The following SNX18 variants were observed in gnomAD, a reference collection of about 807,000 sequenced individuals.
SNX18 encodes sorting nexin-18.
SNX18 carries 35 observed loss-of-function variants against 48.7 expected under a neutral mutation model. The ratio of observed to expected loss-of-function variants is 0.72; its 90% CI spans 0.55 to 0.95. The LOEUF is 0.95. Ranked by LOEUF, SNX18 falls within the 40% of genes least tolerant of loss-of-function variation. The pLI, the probability that SNX18 is intolerant of heterozygous loss-of-function variation, is 0.00. For missense variants in SNX18, 824 were observed against 871.0 expected, an observed-to-expected ratio of 0.95 and a Z score of 0.68; for synonymous variants, 492 against 384.7, an observed-to-expected ratio of 1.28 and a Z score of -3.26.
chr5:54,537,180 TAAAG>T (rs879895302), intron 1 of SNX18, among the ~76,000 whole-genome samples: 17 of 152,190 alleles, frequency 1.1e-4, no homozygotes, highest in African/African-American at 2.6e-4. Flanking sequence ...TTAAATTAAA[TAAAG>T]AGAGAGAGAG....
At chr5:54,574,169 C>G in the SNX18 span, among the ~76,000 whole-genome samples, 1 of 152,220 alleles carries the variant, frequency 6.6e-6, no homozygotes, top group African/African-American at 2.4e-5. Context: ...TGACTACTTG[C>G]ACACCTGATG....
chr5:54,643,074 T>C, the SNX18 span, among the ~76,000 whole-genome samples: 162 of 152,276 alleles, frequency 1.1e-3, no homozygotes, highest in African/African-American at 3.7e-3. Context: ...AATGCTGTTG[T>C]TGTGTCTAAA....
the SNX18 span, among the ~76,000 whole-genome samples, chr5:54,588,165 ACTCT>A: frequency 1.5e-4 from 23 of 151,858 alleles, no homozygotes; most frequent in African/African-American, 5.6e-4. Flanking sequence ...TTTCATATTG[ACTCT>A]AGGCCAAAAG....
At chr5:54,522,666 G>A (rs796939818) in intron 1 of SNX18, among the ~76,000 whole-genome samples, 16 of 152,268 alleles carry the variant, frequency 1.1e-4, no homozygotes, top group African/African-American at 3.8e-4. Flanking sequence ...ATCTCTTGCA[G>A]TGTGCCTTTA....
the SNX18 span, among the ~76,000 whole-genome samples, chr5:54,623,521 A>G: frequency 6.6e-6 from 1 of 151,984 alleles, no homozygotes; most frequent in Admixed American, 6.6e-5. Context: ...GATCCAGCAT[A>G]GAGAGGTAGC....
the SNX18 span, among the ~76,000 whole-genome samples, chr5:54,553,631 G>A: frequency 6.6e-5 from 10 of 151,960 alleles, no homozygotes; most frequent in African/African-American, 2.2e-4. Context: ...TAGATTCTTG[G>A]GGCCACCTCA....
the SNX18 span, among the ~76,000 whole-genome samples, chr5:54,568,833 CTTTTTTTTTTTTT>C: frequency 4.3e-5 from 3 of 69,528 alleles, no homozygotes; most frequent in African/African-American, 1.2e-4. Flanking sequence ...TTCAGTGGTA[CTTTTTTTTTTTTT>C]TTTTTTTTTT....
At chr5:54,614,564 TG>T in the SNX18 span, among the ~76,000 whole-genome samples, 2 of 152,134 alleles carry the variant, frequency 1.3e-5, no homozygotes, top group Non-Finnish European at 2.9e-5. Context: ...CCCACCACTT[TG>T]GGAGGCTGAG....
chr5:54,549,672 C>G (rs1762623746), downstream of SNX18, among the ~76,000 whole-genome samples: 1 of 152,192 alleles, frequency 6.6e-6, no homozygotes, highest in Non-Finnish European at 1.5e-5. Context: ...TCTTTATTCA[C>G]CAAATTAATA....
the SNX18 span, among the ~76,000 whole-genome samples, chr5:54,621,595 T>C: frequency 1.3e-3 from 192 of 152,288 alleles, 1 homozygote; most frequent in Non-Finnish European, 1.9e-3. Context: ...CCAGTGGTGA[T>C]GTTTCTCAAC....
the SNX18 span, among the ~76,000 whole-genome samples, chr5:54,601,950 G>A: frequency 1.1e-3 from 167 of 152,282 alleles, no homozygotes; most frequent in Non-Finnish European, 1.8e-3. Context: ...TTTAAGACAC[G>A]TCTGGAGTTT....
In SNX18 at chr5:54,518,584, C is replaced by A; in HGVS notation, c.632C>A (p.Pro211His). 6.3e-7 allele frequency: 1 copy of A among 1,580,704 alleles called. No individual in the cohort carries two copies. Among genetic ancestry groups the A allele is most frequent in the Non-Finnish European group, 8.6e-7 (1 of 1,164,058 alleles). The stretch of plus-strand genomic sequence containing the variant: ...CTGGGTTCCCGCGGCGGCTCGGTCC[C>A]CCCGCAGCACCACCCGTCGGGGCCC... ...LSLGSRGGSV[P>H]PQHHPSGPKS... Residue 211 changes from proline to histidine, a missense_variant, in exon 1 of 2, where the codon CCC (proline) becomes CAC (histidine). Transcript: ENST00000381410.
At chr5:54,582,829 C>CTTACCATAAT in the SNX18 span, among the ~76,000 whole-genome samples, 1 of 152,026 alleles carries the variant, frequency 6.6e-6, no homozygotes, top group Non-Finnish European at 1.5e-5. Context: ...AAACACATAA[C>CTTACCATAAT]TTACCATCAT....
At chr5:54,550,605 A>G (rs1042890347), downstream of SNX18, among the ~76,000 whole-genome samples, 2 of 152,192 alleles carry the variant, frequency 1.3e-5, no homozygotes, top group Admixed American at 1.3e-4. Context: ...TTATTTTTAG[A>G]TGGAGTCTTG....
At chr5:54,591,589 C>CA in the SNX18 span, among the ~76,000 whole-genome samples, 2 of 152,214 alleles carry the variant, frequency 1.3e-5, no homozygotes, top group African/African-American at 4.8e-5. Flanking sequence ...TGTGAGCACT[C>CA]AAAATGATGT....
At chr5:54,537,051 T>C (rs1169871902) in intron 1 of SNX18, among the ~76,000 whole-genome samples, 1 of 152,234 alleles carries the variant, frequency 6.6e-6, no homozygotes, top group Non-Finnish European at 1.5e-5. Context: ...TTTTTCAGGC[T>C]GGGCGCTGCA....
the SNX18 span, among the ~76,000 whole-genome samples, chr5:54,585,895 C>G: frequency 1.3e-5 from 2 of 151,648 alleles, no homozygotes; most frequent in African/African-American, 4.9e-5. Context: ...GTCCCAGCTA[C>G]TAGGAAGGCT....
chr5:54,557,390 G>T, the SNX18 span, among the ~76,000 whole-genome samples: 1 of 152,188 alleles, frequency 6.6e-6, no homozygotes, highest in South Asian at 2.1e-4. Flanking sequence ...CATGTTTTTA[G>T]CTAAATAGTT....
At position 54,517,967 on chromosome 5, in the gene SNX18, C is replaced by G. The variant is rs1410112195; in HGVS notation, c.15C>G (p.Ala5=). The G allele has an allele frequency of 3.0e-5, 45 of 1,520,768 alleles. No individual in the cohort carries two copies. Among genetic ancestry groups the G allele is most frequent in the Non-Finnish European group, 4.0e-5 (45 of 1,137,014 alleles). The allele number at this position is 1,520,768 out of a possible 1,614,324, so 94.2% of individuals were successfully genotyped here. MALR[A]RALYDFRSEN... ...GCGCCGGGACCATGGCGCTGCGCGC[C>G]CGGGCGCTGTACGACTTCAGGTCGG... The change falls in exon 1 of 2, where the codon GCC becomes GCG. Residue 5 remains alanine, a synonymous_variant. Transcript: ENST00000381410.
Sources: allele counts gnomAD v4.1 joint callset (sites outside exome capture counted in the v4.1 genomes callset), GRCh38; gene constraint gnomAD v4.1.1; transcripts MANE v1.5; gene names NCBI Gene and HGNC (gene_info 2026-07-23, HGNC 2026-07-21).